CDH9: variants seen among roughly 807,000 people sequenced by gnomAD.
The protein encoded by CDH9 is cadherin 9.
In CDH9, 28 loss-of-function variants were observed where a neutral mutation model predicts 70.9. That is an observed-to-expected ratio of 0.40 (90% CI 0.29 to 0.54). The LOEUF (loss-of-function observed/expected upper bound fraction) is 0.54, where lower values mean the gene tolerates loss of function less well. Ranked by LOEUF, CDH9 falls within the 20% of genes least tolerant of loss-of-function variation. The pLI, the probability that CDH9 is intolerant of heterozygous loss-of-function variation, is 0.59. For synonymous variants in CDH9, 409 were observed against 343.1 expected (o/e 1.19, Z -2.12); for missense variants, 874 against 984.4 (o/e 0.89, Z 1.50).
At chr5:26,949,866 C>T (rs1184268337) in intron 2 of CDH9, among the ~76,000 whole-genome samples, 1 of 152,072 alleles carries the variant, frequency 6.6e-6, no homozygotes, top group Non-Finnish European at 1.5e-5. Context: ...TTTATAAGAA[C>T]TTTAGCAGAG....
intron 2 of CDH9, among the ~76,000 whole-genome samples, chr5:26,936,399 A>G (rs1291902385): frequency 6.6e-6 from 1 of 151,074 alleles, no homozygotes; most frequent in Non-Finnish European, 1.5e-5. Flanking sequence ...AAAACTTCTG[A>G]TGGAAGAAAT....
chr5:26,916,017 C>T lies in CDH9; in HGVS notation c.229-93G>A, dbSNP rs1579449041. 6.7e-6 allele frequency: 5 copies of T among 751,068 alleles called. No individual in the cohort carries two copies. In the East Asian group the frequency reaches 1.3e-4, roughly 19 times the overall value. The allele number at this position is 751,068 out of a possible 1,614,324, so 46.5% of individuals were successfully genotyped here. A position where few individuals can be genotyped will look rare whatever the true frequency, so the allele number is the denominator to read the frequency against. On this transcript the variant is annotated intron_variant, in intron 2 of 11. Coordinates refer to ENST00000231021, the MANE Select transcript of CDH9 (RefSeq NM_016279.4). The stretch of plus-strand genomic sequence containing the variant: ...GCGCTATCAATTCGTCTCCATATAA[C>T]AGCTCTGCAATAATTATCTTAATGG...
At chr5:26,993,293 A>G (rs1403659888) in intron 1 of CDH9, among the ~76,000 whole-genome samples, 1 of 152,180 alleles carries the variant, frequency 6.6e-6, no homozygotes, top group Admixed American at 6.5e-5. Flanking sequence ...CCAGTGTTTT[A>G]CAGAATGTAG....
intron 1 of CDH9, among the ~76,000 whole-genome samples, chr5:26,995,782 G>T (rs1742654836): frequency 6.6e-6 from 1 of 151,990 alleles, no homozygotes; most frequent in African/African-American, 2.4e-5. Flanking sequence ...AGCATTAAAT[G>T]CTTTGCATTT....
chr5:26,890,256 G>T (rs1740633788), intron 8 of CDH9, among the ~76,000 whole-genome samples, 172 bp downstream of exon 8: 1 of 152,140 alleles, frequency 6.6e-6, no homozygotes, highest in South Asian at 2.1e-4. Context: ...TGAAATGAAT[G>T]ATTTGATAAT....
chr5:26,922,059 G>C (rs988882443), intron 2 of CDH9, among the ~76,000 whole-genome samples: 1 of 150,062 alleles, frequency 6.7e-6, no homozygotes, highest in African/African-American at 2.4e-5. Flanking sequence ...GAGAAAGAGA[G>C]AATAAAAATG....
At chr5:27,003,220 T>A (rs935776860) in intron 1 of CDH9, among the ~76,000 whole-genome samples, 1 of 152,138 alleles carries the variant, frequency 6.6e-6, no homozygotes, top group Non-Finnish European at 1.5e-5. Context: ...TTTCAGAGTT[T>A]TGAATTTTGG....
intron 1 of CDH9, among the ~76,000 whole-genome samples, chr5:26,991,139 G>A (rs944611189): frequency 3.0e-4 from 46 of 152,206 alleles, no homozygotes; most frequent in Non-Finnish European, 1.2e-4. Flanking sequence ...AGAGAGATCA[G>A]TTAGGGTCTT....
At chr5:26,906,272 A>C in intron 4 of CDH9, 146 bp from the exon 5 acceptor site, 1 of 650,804 alleles carries the variant, frequency 1.5e-6, no homozygotes, top group Non-Finnish European at 2.6e-6. Context: ...TAACCACTTT[A>C]AGATAATTCA....
chr5:26,933,887 G>A (rs1217545353), intron 2 of CDH9, among the ~76,000 whole-genome samples: 8 of 152,112 alleles, frequency 5.3e-5, no homozygotes, highest in African/African-American at 1.7e-4. Context: ...ACACAGGATA[G>A]TAAACAAATA....
At chr5:26,980,552 T>G (rs1742383049) in intron 2 of CDH9, among the ~76,000 whole-genome samples, 1 of 152,010 alleles carries the variant, frequency 6.6e-6, no homozygotes, top group African/African-American at 2.4e-5. Flanking sequence ...TAATATCAGT[T>G]ATTAGGATTT....
chr5:26,893,213 A>G (rs1740691217), intron 7 of CDH9, among the ~76,000 whole-genome samples: 1 of 152,220 alleles, frequency 6.6e-6, no homozygotes, highest in Non-Finnish European at 1.5e-5. Flanking sequence ...AATATAGTAC[A>G]TGAAGATGCT....
chr5:26,998,419 T>A (rs1742704496), intron 1 of CDH9, among the ~76,000 whole-genome samples: 1 of 152,088 alleles, frequency 6.6e-6, no homozygotes, highest in South Asian at 2.1e-4. Flanking sequence ...TGAGTTCATG[T>A]CCTTTGAAGG....
rs144892152 is a variant in CDH9, at chr5:26,995,892, T to G, written c.-49-7510A>C. Among the ~76,000 whole-genome samples the G allele has an allele frequency of 3.9e-5, 6 of 152,212 alleles. No individual in the cohort carries two copies. The East Asian group carries it at 1.2e-3, about 29-fold the overall frequency. On this transcript the variant is annotated intron_variant, in intron 1 of 11. Transcript: ENST00000231021. ...TTGATTTTGTAATCAGGGAACTCACTCAAATCTTGTTAACTTTAAAAACTG... is the reference window on the plus strand; with the variant it reads ...TTGATTTTGTAATCAGGGAACTCACGCAAATCTTGTTAACTTTAAAAACTG...
intron 7 of CDH9, among the ~76,000 whole-genome samples, chr5:26,891,197 A>G (rs1353181132): frequency 1.2e-4 from 18 of 152,224 alleles, no homozygotes; most frequent in East Asian, 5.8e-4. Flanking sequence ...TAAAGATAAG[A>G]CTCTGCAGTT....
At chr5:26,882,707 C>A (rs934719886) in intron 11 of CDH9, among the ~76,000 whole-genome samples, 26 of 151,856 alleles carry the variant, frequency 1.7e-4, no homozygotes, top group Non-Finnish European at 3.5e-4. Context: ...AACTAGATTT[C>A]CTTTACTTTA....
intron 2 of CDH9, among the ~76,000 whole-genome samples, chr5:26,953,105 C>A (rs968224660): frequency 2.0e-5 from 3 of 152,048 alleles, no homozygotes; most frequent in African/African-American, 7.2e-5. Flanking sequence ...AAGGTTTTAT[C>A]ATTCTGGAAC....
At position 26,898,768 on chromosome 5, in the gene CDH9, C is replaced by A. The variant is rs536884131; in HGVS notation, c.1253+3708G>T. 1.2e-3 allele frequency among the ~76,000 whole-genome samples: 182 copies of A among 152,158 alleles called. 1 individual carries two copies. Among genetic ancestry groups the A allele is most frequent in the Non-Finnish European group, 1.7e-3 (116 of 67,990 alleles). On this transcript the variant is annotated intron_variant, in intron 7 of 11. Coordinates refer to ENST00000231021, the MANE Select transcript of CDH9 (RefSeq NM_016279.4). ...TTCAGGACATAGGCATAGGCAAAGACTTCATGACTAAAACACCAAAAGCAA... is the reference window on the plus strand; with the variant it reads ...TTCAGGACATAGGCATAGGCAAAGAATTCATGACTAAAACACCAAAAGCAA...
chr5:27,019,268 T>C (rs1271703060), intron 1 of CDH9, among the ~76,000 whole-genome samples: 1 of 152,052 alleles, frequency 6.6e-6, no homozygotes, highest in African/African-American at 2.4e-5. Context: ...GCAATGGAGA[T>C]GCAGATATTA....
Sources: gnomAD v4.1 joint callset for allele counts (sites outside exome capture counted in the v4.1 genomes callset) on GRCh38, gnomAD v4.1.1 for gene constraint, MANE v1.5 for transcripts, NCBI Gene and HGNC (gene_info 2026-07-23, HGNC 2026-07-21) for gene names.